Variants in UNC80 observed in about 807,000 individuals in gnomAD.
UNC80 encodes unc-80 subunit of NALCN channel complex.
Under a neutral mutation model 384.6 loss-of-function variants are expected in UNC80, and 164 were observed. The ratio of observed to expected loss-of-function variants is 0.43; its 90% CI spans 0.38 to 0.49. UNC80 has a LOEUF of 0.49. Among genes scored for constraint, UNC80 ranks in the 20% least tolerant of loss-of-function variants. The pLI, the probability that UNC80 is intolerant of heterozygous loss-of-function variation, is 0.00. For missense variants in UNC80, 3,330 were observed against 4,143.0 expected (o/e 0.80, Z 5.39); for synonymous variants, 1,486 against 1,527.8 (o/e 0.97, Z 0.64).
intron 51 of UNC80, among the ~76,000 whole-genome samples, chr2:209,965,018 T>C (rs1339269521): frequency 1.3e-5 from 2 of 152,212 alleles, no homozygotes; most frequent in East Asian, 3.8e-4. Flanking sequence ...TTAATTTTTC[T>C]GAGTCCATAA....
At chr2:209,890,330 T>G (rs1430593297) in intron 26 of UNC80, among the ~76,000 whole-genome samples, 1 of 152,198 alleles carries the variant, frequency 6.6e-6, no homozygotes. Flanking sequence ...CCATATGAAG[T>G]TAGCCCACCT....
intron 3 of UNC80, among the ~76,000 whole-genome samples, chr2:209,776,474 G>A (rs1342003511): frequency 6.6e-6 from 1 of 152,160 alleles, no homozygotes; most frequent in Non-Finnish European, 1.5e-5. Flanking sequence ...CCAGCTACTC[G>A]AGAGGCTGAG....
intron 51 of UNC80, among the ~76,000 whole-genome samples, chr2:209,961,897 T>C (rs1338092774): frequency 2.0e-5 from 3 of 152,186 alleles, no homozygotes; most frequent in Admixed American, 1.3e-4. Context: ...GCCTTCAGGA[T>C]GAAGACCCAA....
chr2:209,931,736 G>A (rs1464103744), intron 38 of UNC80, among the ~76,000 whole-genome samples: 1 of 152,138 alleles, frequency 6.6e-6, no homozygotes, highest in Non-Finnish European at 1.5e-5. Flanking sequence ...ACCCCCATGT[G>A]CAGAGAACAT....
chr2:209,930,639 T>TACC (rs551727387), intron 37 of UNC80, among the ~76,000 whole-genome samples: 1 of 152,280 alleles, frequency 6.6e-6, no homozygotes, highest in South Asian at 2.1e-4. Flanking sequence ...CATATCAGGC[T>TACC]ACCATGGCCA....
chr2:209,943,589 C>A, intron 45 of UNC80, 75 bp downstream of exon 45: 3 of 1,514,230 alleles, frequency 2.0e-6, no homozygotes, highest in Non-Finnish European at 2.7e-6. Flanking sequence ...TTAGAGCTTA[C>A]TATGGCAAGG....
intron 28 of UNC80, among the ~76,000 whole-genome samples, chr2:209,898,205 T>A (rs907604857): frequency 1.3e-5 from 2 of 152,070 alleles, no homozygotes; most frequent in African/African-American, 4.8e-5. Context: ...ATGTTGAATT[T>A]TTGTTTTACT....
Position 209,945,206 on chromosome 2 carries a change from C to T in UNC80, c.7189+17C>T. On this transcript the variant is annotated intron_variant, in intron 46 of 64. Transcript: ENST00000673920. ...AGTCATTAGGTAAAAGCAAAACTTG[C>T]TTTGACATTCTTTTTCTCACTGCAG... 5 of 1,544,180 alleles carry T rather than the reference C, an allele frequency of 3.2e-6. No homozygotes were observed. The South Asian group carries it at 6.1e-5, about 19-fold the overall frequency.
At chr2:209,990,003 G>A (rs1044145966) in intron 61 of UNC80, among the ~76,000 whole-genome samples, 2 of 152,082 alleles carry the variant, frequency 1.3e-5, no homozygotes, top group Admixed American at 1.3e-4. Flanking sequence ...TCTTTGATGG[G>A]TGCATTCCAT....
rs1396465866 is a variant in UNC80, at chr2:209,834,937, A to G, written c.2968A>G (p.Lys990Glu). 1.9e-6 allele frequency: 3 copies of G among 1,550,836 alleles called. No homozygotes were observed. Among genetic ancestry groups the G allele is most frequent in the Non-Finnish European group, 2.6e-6 (3 of 1,146,340 alleles). ...KRSEAGSIVD[K>E]GQVSSAPEEC... Reference sequence around the variant, plus strand: ...GTCAGAGGCGGGAAGCATTGTGGATAAAGGCCAGGTATCCTCTGCACCTGA... The same window carrying G: ...GTCAGAGGCGGGAAGCATTGTGGATGAAGGCCAGGTATCCTCTGCACCTGA... Residue 990 changes from lysine to glutamate, a missense_variant, in exon 18 of 65, where the codon AAA becomes GAA. Transcript: ENST00000673920.
chr2:209,866,490 C>CACACACACA (rs1559226593), intron 22 of UNC80, among the ~76,000 whole-genome samples: 20 of 107,622 alleles, frequency 1.9e-4, no homozygotes, highest in East Asian at 1.2e-3. Context: ...AAATGCACCC[C>CACACACACA]CACACACACA....
chr2:209,866,703 T>A (rs1276079637), intron 22 of UNC80, among the ~76,000 whole-genome samples: 3 of 152,244 alleles, frequency 2.0e-5, no homozygotes, highest in Non-Finnish European at 2.9e-5. Flanking sequence ...CATTTTTATT[T>A]GTAAAAATTC....
At chr2:209,937,658 T>C (rs2124974279) in intron 42 of UNC80, 28 bp downstream of exon 42, 1 of 1,494,248 alleles carries the variant, frequency 6.7e-7, no homozygotes, top group East Asian at 2.5e-5. Flanking sequence ...TTTTATTCCA[T>C]GGTTTTGTCA....
chr2:209,887,265 C>T (rs578196997), intron 25 of UNC80, among the ~76,000 whole-genome samples: 22 of 152,080 alleles, frequency 1.4e-4, no homozygotes, highest in Admixed American at 3.3e-4. Context: ...TCTCAAACTG[C>T]CGACTTCAGG....
At chr2:209,879,319 G>A (rs574624428) in intron 24 of UNC80, among the ~76,000 whole-genome samples, 47 of 152,266 alleles carry the variant, frequency 3.1e-4, no homozygotes, top group African/African-American at 1.1e-3. Flanking sequence ...TCAGAACAGA[G>A]AGAAGTTGAA....
At chr2:209,864,082 T>C (rs1340833550) in intron 22 of UNC80, among the ~76,000 whole-genome samples, 1 of 151,786 alleles carries the variant, frequency 6.6e-6, no homozygotes, top group African/African-American at 2.4e-5. Flanking sequence ...TGTTTATTTT[T>C]ATTTCAATGG....
intron 31 of UNC80, among the ~76,000 whole-genome samples, chr2:209,914,611 A>G (rs1162906105): frequency 7.7e-6 from 1 of 130,310 alleles, no homozygotes. Context: ...CCCAGAGGCA[A>G]CAATTTTTAA....
intron 2 of UNC80, among the ~76,000 whole-genome samples, chr2:209,775,397 A>T (rs906728334): frequency 6.6e-6 from 1 of 152,120 alleles, no homozygotes; most frequent in Non-Finnish European, 1.5e-5. Flanking sequence ...TTGCTAAGCC[A>T]TGAGATAAAT....
intron 22 of UNC80, among the ~76,000 whole-genome samples, chr2:209,864,252 C>T (rs1298337827): frequency 2.0e-5 from 3 of 152,004 alleles, no homozygotes; most frequent in East Asian, 1.9e-4. Context: ...TCGAGGGGCA[C>T]CAACCTGAAT....
Sources: gnomAD v4.1 joint callset for allele counts (sites outside exome capture counted in the v4.1 genomes callset) on GRCh38, gnomAD v4.1.1 for gene constraint, MANE v1.5 for transcripts, NCBI Gene and HGNC (gene_info 2026-07-23, HGNC 2026-07-21) for gene names.